Variants in PRKCA observed in about 807,000 individuals in gnomAD.
PRKCA encodes the protein protein kinase C alpha, also known as protein kinase C alpha type.
PRKCA carries 27 observed loss-of-function variants against 87.0 expected under a neutral mutation model. The ratio of observed to expected loss-of-function variants is 0.31; its 90% CI spans 0.23 to 0.43. The LOEUF is 0.43. Among genes scored for constraint, PRKCA ranks in the 20% least tolerant of loss-of-function variants. The pLI is 1.00. For missense variants in PRKCA, 518 were observed against 852.3 expected (o/e 0.61, Z 4.88); for synonymous variants, 329 against 311.1 (o/e 1.06, Z -0.61).
At chr17:66,617,320 G>C (rs1428537432) in intron 3 of PRKCA, among the ~76,000 whole-genome samples, 2 of 152,074 alleles carry the variant, frequency 1.3e-5, no homozygotes, top group Non-Finnish European at 2.9e-5. Context: ...TGGCTCGTTG[G>C]CTGGTTTGAA....
At chr17:66,797,523 C>CT (rs1300239739) in intron 16 of PRKCA, among the ~76,000 whole-genome samples, 7 of 152,186 alleles carry the variant, frequency 4.6e-5, no homozygotes, top group African/African-American at 1.7e-4. Context: ...AGGGTGTACC[C>CT]TATGTCTGTC....
At chr17:66,634,603 A>G (rs773833927) in intron 3 of PRKCA, among the ~76,000 whole-genome samples, 11 of 152,232 alleles carry the variant, frequency 7.2e-5, no homozygotes, top group Non-Finnish European at 1.6e-4. Context: ...ACAGTGATAA[A>G]AGTGTGCTTT....
At chr17:66,640,119 C>G (rs917729799) in intron 3 of PRKCA, among the ~76,000 whole-genome samples, 1 of 152,140 alleles carries the variant, frequency 6.6e-6, no homozygotes, top group African/African-American at 2.4e-5. Context: ...AAGCATTTTA[C>G]AAAGACTGAC....
chr17:66,337,128 T>TTAGATCATTTTTTTCC (rs1269602933), intron 2 of PRKCA, among the ~76,000 whole-genome samples: 64 of 152,132 alleles, frequency 4.2e-4, no homozygotes, highest in African/African-American at 1.5e-3. Flanking sequence ...ATCTGTTTAA[T>TTAGATCATTTTTTTCC]TAGATCATTT....
chr17:66,605,607 G>A (rs1286991278), intron 3 of PRKCA, among the ~76,000 whole-genome samples: 4 of 152,180 alleles, frequency 2.6e-5, no homozygotes, highest in Admixed American at 2.6e-4. Flanking sequence ...ATATACCGAA[G>A]AGAATGAAAA....
In PRKCA at chr17:66,447,662, C is replaced by A. The variant is rs1406812365; in HGVS notation, c.206-48539C>A. On this transcript the variant is annotated intron_variant, in intron 2 of 16. Coordinates refer to ENST00000413366, the MANE Select transcript of PRKCA (RefSeq NM_002737.3). ...ATGTGGAAACCTAGACTCAGTGTGA[C>A]CATCTCTAAGCTCCTTTGAGCTTCT... 2.6e-5 allele frequency among the ~76,000 whole-genome samples: 4 copies of A among 152,192 alleles called. No individual in the cohort carries two copies. In the East Asian group the frequency reaches 7.7e-4, roughly 29 times the overall value.
intron 2 of PRKCA, among the ~76,000 whole-genome samples, chr17:66,339,105 G>A (rs146977627): frequency 9.8e-4 from 149 of 152,280 alleles, no homozygotes; most frequent in African/African-American, 3.5e-3. Context: ...GAAGGAATGT[G>A]ATTGACGGTG....
rs201991611 is a variant in PRKCA at position 66,556,325 on chromosome 17, T to TC, written c.288+60042_288+60043insC. The stretch of plus-strand genomic sequence containing the variant: ...AGAATAATCTTTTCTTTCTTCTTCT[T>TC]TTTTTTTTTTTTTTTTGGTCAAGAC... On this transcript the variant is annotated intron_variant, in intron 3 of 16. Transcript: ENST00000413366. Among the ~76,000 whole-genome samples the TC allele has an allele frequency of 5.9e-3, 853 of 145,072 alleles. 10 individuals carry two copies. Among genetic ancestry groups the TC allele is most frequent in the African/African-American group, 0.018 (689 of 38,974 alleles).
At position 66,543,403 on chromosome 17, in the gene PRKCA, T is replaced by C. The variant is rs182848584; in HGVS notation, c.288+47120T>C. 7.7e-4 allele frequency among the ~76,000 whole-genome samples: 118 copies of C among 152,340 alleles called. 2 individuals are homozygous for C. The South Asian group carries it at 0.019, about 25-fold the overall frequency. ...TACTGTAAGATACTAAAACATAAGTTATTGTGAGGTCTGGCTTTTGATGCT... is the reference window on the plus strand; with the variant it reads ...TACTGTAAGATACTAAAACATAAGTCATTGTGAGGTCTGGCTTTTGATGCT... On this transcript the variant is annotated intron_variant, in intron 3 of 16. Coordinates refer to ENST00000413366, the MANE Select transcript of PRKCA (RefSeq NM_002737.3).
intron 2 of PRKCA, among the ~76,000 whole-genome samples, chr17:66,453,847 T>A (rs1914452571): frequency 6.6e-6 from 1 of 152,214 alleles, no homozygotes; most frequent in Admixed American, 6.5e-5. Context: ...TTAGCTTACA[T>A]GCAAGTCAGA....
At chr17:66,749,167 C>T (rs954109684) in intron 13 of PRKCA, among the ~76,000 whole-genome samples, 6 of 151,914 alleles carry the variant, frequency 3.9e-5, no homozygotes, top group Non-Finnish European at 2.9e-5. Context: ...CCAGGACGGG[C>T]GGGTATTAGG....
At chr17:66,619,425 C>T (rs895371492) in intron 3 of PRKCA, among the ~76,000 whole-genome samples, 5 of 152,272 alleles carry the variant, frequency 3.3e-5, no homozygotes, top group East Asian at 1.9e-4. Flanking sequence ...CAACAGCTGA[C>T]GCCATCTACA....
At chr17:66,457,870 C>A (rs773411425) in intron 2 of PRKCA, among the ~76,000 whole-genome samples, 4 of 152,120 alleles carry the variant, frequency 2.6e-5, no homozygotes, top group Non-Finnish European at 5.9e-5. Flanking sequence ...AGCATGAGAA[C>A]GGACTACTAC....
At chr17:66,783,635 G>A (rs369167422) in intron 14 of PRKCA, among the ~76,000 whole-genome samples, 15 of 152,302 alleles carry the variant, frequency 9.8e-5, no homozygotes, top group African/African-American at 3.6e-4. Context: ...ACGATTCCTG[G>A]CCTTCCACAT....
chr17:66,619,331 C>T (rs1169748002), intron 3 of PRKCA, among the ~76,000 whole-genome samples: 2 of 152,102 alleles, frequency 1.3e-5, no homozygotes, highest in Non-Finnish European at 2.9e-5. Flanking sequence ...AGGTGTCAAC[C>T]GCTCCAAGTG....
At chr17:66,732,937 G>A in intron 9 of PRKCA, 112 bp downstream of exon 9, 1 of 1,349,226 alleles carries the variant, frequency 7.4e-7, no homozygotes, top group East Asian at 2.4e-5. Context: ...GTGATTCAAG[G>A]TCAGGAGATC....
intron 3 of PRKCA, among the ~76,000 whole-genome samples, chr17:66,616,416 A>G (rs1224087361): frequency 6.6e-6 from 1 of 152,172 alleles, no homozygotes. Context: ...GTGAGGTGCA[A>G]TGGTGAAGGC....
At chr17:66,643,274 G>A (rs1009226576) in intron 4 of PRKCA, among the ~76,000 whole-genome samples, 1 of 152,168 alleles carries the variant, frequency 6.6e-6, no homozygotes, top group African/African-American at 2.4e-5. Flanking sequence ...AGCTGGGATG[G>A]GGAAGCATGC....
chr17:66,362,378 C>T (rs1908437124), intron 2 of PRKCA, among the ~76,000 whole-genome samples: 1 of 152,172 alleles, frequency 6.6e-6, no homozygotes, highest in Non-Finnish European at 1.5e-5. Flanking sequence ...TTTAGTGCCA[C>T]TTCCTCTGAG....
Sources: allele counts gnomAD v4.1 joint callset (sites outside exome capture counted in the v4.1 genomes callset), GRCh38; gene constraint gnomAD v4.1.1; transcripts MANE v1.5; gene names NCBI Gene and HGNC (gene_info 2026-07-23, HGNC 2026-07-21).